DOCK2: variants seen among roughly 807,000 people sequenced by gnomAD.
DOCK2 encodes dedicator of cytokinesis protein 2.
Under a neutral mutation model 248.9 loss-of-function variants are expected in DOCK2, and 87 were observed. The ratio of observed to expected loss-of-function variants is 0.35; its 90% confidence interval spans 0.29 to 0.42. The LOEUF is 0.42. Ranked by LOEUF, DOCK2 falls within the 10% of genes least tolerant of loss-of-function variation. The pLI is 1.00. For synonymous variants in DOCK2, 805 were observed against 821.6 expected (o/e 0.98, Z 0.35); for missense variants, 1,747 against 2,300.2 (o/e 0.76, Z 4.92).
At chr5:170,050,150 G>A in intron 40 of DOCK2, 106 bp from the exon 41 acceptor site, 1 of 1,430,402 alleles carries the variant, frequency 7.0e-7, no homozygotes, top group Non-Finnish European at 9.6e-7. Context: ...GTGATGCACT[G>A]GACATCCCCA....
At chr5:169,693,402 G>A (rs1286407722) in intron 9 of DOCK2, among the ~76,000 whole-genome samples, 1 of 152,178 alleles carries the variant, frequency 6.6e-6, no homozygotes, top group Non-Finnish European at 1.5e-5. Flanking sequence ...GATATATTAT[G>A]TCTAGGTCCT....
Position 169,764,199 on chromosome 5 carries a change from TGCCAGA to T in DOCK2, c.2554+2575_2554+2580del, listed in dbSNP as rs1764641574. ...TGCTTTGAGCCTGCACTCATTTAAC[TGCCAGA>T]TGTGCAAATTGCCTGGAGTATTTTC... is the stretch of plus-strand genomic sequence containing the variant. On this transcript the variant is annotated intron_variant, in intron 25 of 51. Coordinates refer to ENST00000520908, the MANE Select transcript of DOCK2 (RefSeq NM_004946.3). This position sits in a 1 kb window ranked among gnomAD's most constrained non-coding sequence, Gnocchi z 4.3. Among the ~76,000 whole-genome samples the T allele has an allele frequency of 6.6e-6, 1 of 152,238 alleles. No homozygotes were observed. Among genetic ancestry groups the T allele is most frequent in the Admixed American group, 6.5e-5 (1 of 15,272 alleles).
Position 169,747,504 on chromosome 5 carries a change from G to A in DOCK2, c.2376G>A (p.Gln792=), listed in dbSNP as rs1490507767. 6.2e-7 allele frequency: 1 copy of A among 1,612,088 alleles called. No individual in the cohort carries two copies. The part of the protein sequence containing the change: ...KSQYKTTILL[Q]VAALKYIPSV... ...AATACAAAACTACCATCCTTTTGCA[G>A]GTTGGTTTATGCTACAATAAAATCT... Residue 792 remains glutamine, a splice_region_variant and synonymous_variant, in exon 23 of 52, where the codon CAG becomes CAA. Transcript: ENST00000520908.
chr5:169,650,922 G>A (rs377026114), intron 1 of DOCK2, among the ~76,000 whole-genome samples: 2 of 152,206 alleles, frequency 1.3e-5, no homozygotes, highest in East Asian at 1.9e-4. Flanking sequence ...GGGAATGGCC[G>A]AGGGCCTGAG....
chr5:169,650,989 G>A (rs1183438450), intron 1 of DOCK2, among the ~76,000 whole-genome samples: 2 of 152,312 alleles, frequency 1.3e-5, no homozygotes, highest in East Asian at 3.9e-4. Flanking sequence ...ACTGGGCAGG[G>A]TGGAGCAGGC....
chr5:169,747,330 C>CT, intron 22 of DOCK2, 66 bp from the exon 23 acceptor site: 1 of 1,423,650 alleles, frequency 7.0e-7, no homozygotes, highest in Non-Finnish European at 9.7e-7. Flanking sequence ...AAGTTTGTGC[C>CT]TAGTACACAC....
intron 6 of DOCK2, 48 bp from the exon 7 acceptor site, chr5:169,681,696 C>T (rs1759679357): frequency 1.9e-6 from 3 of 1,600,780 alleles, no homozygotes; most frequent in Non-Finnish European, 2.6e-6. Flanking sequence ...CACCAGTGAC[C>T]TAAAGTTCTC....
At chr5:170,032,226 C>T (rs1029635952) in intron 34 of DOCK2, among the ~76,000 whole-genome samples, 1 of 152,064 alleles carries the variant, frequency 6.6e-6, no homozygotes, top group African/African-American at 2.4e-5. Flanking sequence ...TGGGGTTTCA[C>T]CGTGGGAGCC....
intron 27 of DOCK2, among the ~76,000 whole-genome samples, chr5:169,901,546 G>T (rs149616049): frequency 6.6e-6 from 1 of 152,168 alleles, no homozygotes; most frequent in Non-Finnish European, 1.5e-5. Flanking sequence ...AAAAGTGGAA[G>T]CAGGATGAAC....
intron 29 of DOCK2, 67 bp downstream of exon 29, chr5:169,985,989 G>C: frequency 2.2e-6 from 3 of 1,378,086 alleles, no homozygotes; most frequent in Non-Finnish European, 3.0e-6. Flanking sequence ...ACTTATTTTG[G>C]GTTAAATTAG....
intron 1 of DOCK2, 72 bp downstream of exon 1, chr5:169,637,441 C>T: frequency 3.1e-6 from 4 of 1,285,314 alleles, no homozygotes; most frequent in South Asian, 2.4e-5. Flanking sequence ...GAGGATGCTG[C>T]GGGGCCGGCG....
intron 27 of DOCK2, among the ~76,000 whole-genome samples, chr5:169,866,792 G>C (rs1044791344): frequency 2.6e-5 from 4 of 152,150 alleles, no homozygotes; most frequent in African/African-American, 9.7e-5. Context: ...TTTTTCCTCT[G>C]CTCTCACACC....
In DOCK2 at chr5:169,708,220, G is replaced by A. The variant is rs370114623; in HGVS notation, c.1435G>A (p.Val479Ile). ...GDKPMNEYRS[V>I]VYYQVKQPRW... ...CAAGCCCATGAATGAGTATCGCTCCGTTGTGTACTATCAAGTCAAACAGCC... is the reference window on the plus strand; with the variant it reads ...CAAGCCCATGAATGAGTATCGCTCCATTGTGTACTATCAAGTCAAACAGCC... Residue 479 changes from valine (V) to isoleucine (I), a missense_variant, in exon 15 of 52, where the codon GTT becomes ATT. Val to Ile is a conservative substitution (Grantham distance 29). Around this residue, in one of 4 missense-constraint regions of DOCK2, gnomAD observed 858 missense variants for 1,183.5 expected, o/e 0.72. Transcript: ENST00000520908. 10 of 1,613,852 alleles carry A rather than the reference G, an allele frequency of 6.2e-6. No individual in the cohort carries two copies. Among genetic ancestry groups the A allele is most frequent in the African/African-American group, 1.3e-5 (1 of 74,924 alleles).
intron 27 of DOCK2, among the ~76,000 whole-genome samples, chr5:169,882,108 A>AATAGTAAG (rs1772689085): frequency 2.0e-5 from 3 of 152,230 alleles, no homozygotes. Context: ...GGGGAAGGTC[A>AATAGTAAG]ATAGTAAGCT....
intron 26 of DOCK2, among the ~76,000 whole-genome samples, chr5:169,821,595 T>A (rs1768446654): frequency 1.3e-5 from 2 of 152,188 alleles, no homozygotes. Context: ...CTGCCAGGCC[T>A]GCCCTAAAAG....
At chr5:169,816,209 G>C (rs535546596) in intron 26 of DOCK2, among the ~76,000 whole-genome samples, 30 of 152,214 alleles carry the variant, frequency 2.0e-4, no homozygotes, top group African/African-American at 7.2e-4. Flanking sequence ...GAGGCGCCCT[G>C]TTTTTAAGGA....
At chr5:169,843,472 A>G (rs1770112349) in intron 27 of DOCK2, among the ~76,000 whole-genome samples, 1 of 152,230 alleles carries the variant, frequency 6.6e-6, no homozygotes, top group Non-Finnish European at 1.5e-5. Flanking sequence ...CAGTGAACCA[A>G]GATCGCGCCA....
intron 51 of DOCK2, among the ~76,000 whole-genome samples, chr5:170,082,443 A>T (rs1340908983): frequency 6.6e-6 from 1 of 152,160 alleles, no homozygotes; most frequent in Non-Finnish European, 1.5e-5. Flanking sequence ...TGAAATCAGG[A>T]CTCTGCTACT....
At chr5:169,865,035 A>G (rs1771454499) in intron 27 of DOCK2, among the ~76,000 whole-genome samples, 1 of 152,150 alleles carries the variant, frequency 6.6e-6, no homozygotes, top group Non-Finnish European at 1.5e-5. Flanking sequence ...ATTTCTACCA[A>G]TATATTACGT....
Sources: allele counts gnomAD v4.1 joint callset (sites outside exome capture counted in the v4.1 genomes callset), GRCh38; gene constraint gnomAD v4.1.1; regional missense constraint gnomAD v4.1.1; non-coding constraint Gnocchi (gnomAD v3.1); transcripts MANE v1.5; gene names NCBI Gene and HGNC (gene_info 2026-07-23, HGNC 2026-07-21).